Variants in SPECC1 observed in about 807,000 individuals in gnomAD.
SPECC1 encodes cytospin-B.
SPECC1 carries 62 observed loss-of-function variants against 104.1 expected under a neutral mutation model. The observed-to-expected ratio is 0.60, with a 90% CI of 0.49 to 0.74. The LOEUF is 0.74. SPECC1 is among the 30% of genes least tolerant of loss of function. The pLI, the probability that SPECC1 is intolerant of heterozygous loss-of-function variation, is 0.00. For synonymous variants in SPECC1, 513 were observed against 501.6 expected, an observed-to-expected ratio of 1.02 and a Z score of -0.30; for missense variants, 1,306 against 1,310.5, an observed-to-expected ratio of 1.00 and a Z score of 0.05.
At chr17:20,270,146 A>G (rs1391158000) in intron 12 of SPECC1, among the ~76,000 whole-genome samples, 1 of 152,086 alleles carries the variant, frequency 6.6e-6, no homozygotes, top group Non-Finnish European at 1.5e-5. Context: ...TAGTGGGTAC[A>G]GGGTTTTCTG....
intron 3 of SPECC1, among the ~76,000 whole-genome samples, chr17:20,152,944 C>T (rs886651535): frequency 2.0e-5 from 3 of 152,294 alleles, no homozygotes; most frequent in East Asian, 3.9e-4. Flanking sequence ...GGATTACAGG[C>T]GTGAGCCTCC....
intron 13 of SPECC1, 50 bp from the exon 14 acceptor site, chr17:20,305,972 AG>A (rs1265387751): frequency 6.6e-7 from 1 of 1,523,828 alleles, no homozygotes; most frequent in African/African-American, 1.4e-5. Context: ...TCCTGGCAAA[AG>A]CTATATATTT....
At chr17:20,260,677 C>T (rs1021474823) in intron 12 of SPECC1, among the ~76,000 whole-genome samples, 2 of 152,306 alleles carry the variant, frequency 1.3e-5, no homozygotes, top group Admixed American at 6.5e-5. Flanking sequence ...GGAGCTTATG[C>T]CCTTATCCCT....
rs142108104 is a variant in SPECC1, at chr17:20,219,621, G to A, written c.1864-7792G>A. On this transcript the variant is annotated intron_variant, in intron 4 of 14. Transcript: ENST00000395527. ...GTTTGCAAGTATTTTCTCCCATTCT[G>A]TGGGCTGTCTCTTCACTTTGTTGAT... 6.6e-3 allele frequency among the ~76,000 whole-genome samples: 1,002 copies of A among 152,186 alleles called. 10 individuals carry two copies. The highest frequency in any genetic ancestry group is 0.023 in the African/African-American group (952 of 41,520).
chr17:20,028,497 A>G (rs1234472097), intron 1 of SPECC1, among the ~76,000 whole-genome samples: 3 of 152,068 alleles, frequency 2.0e-5, no homozygotes, highest in Non-Finnish European at 4.4e-5. Context: ...AAAGAAAAAA[A>G]TAGAAAAGCA....
intron 1 of SPECC1, among the ~76,000 whole-genome samples, chr17:20,035,440 G>C (rs1228698373): frequency 3.6e-4 from 55 of 152,058 alleles, no homozygotes; most frequent in Non-Finnish European, 6.8e-4. Flanking sequence ...CGCTATTTAA[G>C]TCTTCTTTGA....
chr17:20,016,170 A>T, intron 1 of SPECC1, among the ~76,000 whole-genome samples: 1 of 146,236 alleles, frequency 6.8e-6, no homozygotes, highest in Admixed American at 6.8e-5. Context: ...GTGAGCCAGG[A>T]TGGCACCACT....
At chr17:20,282,316 C>T (rs2040799981) in intron 12 of SPECC1, among the ~76,000 whole-genome samples, 1 of 152,244 alleles carries the variant, frequency 6.6e-6, no homozygotes, top group Non-Finnish European at 1.5e-5. Context: ...CATAGGAAGG[C>T]TCTTGTCCAC....
chr17:20,114,420 G>A (rs2048651348), intron 3 of SPECC1, among the ~76,000 whole-genome samples: 1 of 151,930 alleles, frequency 6.6e-6, no homozygotes. Flanking sequence ...TTGATCTACT[G>A]ACCTTGTGAT....
intron 9 of SPECC1, among the ~76,000 whole-genome samples, chr17:20,253,257 A>G (rs1396298751): frequency 6.6e-6 from 1 of 152,184 alleles, no homozygotes; most frequent in Non-Finnish European, 1.5e-5. Flanking sequence ...GCCCTTGGAG[A>G]GAAGAACTGG....
intron 3 of SPECC1, among the ~76,000 whole-genome samples, chr17:20,165,742 C>G (rs2151153399): frequency 6.6e-6 from 1 of 152,358 alleles, no homozygotes; most frequent in African/African-American, 2.4e-5. Context: ...GTCATTCTGA[C>G]TGGCATGAGA....
intron 4 of SPECC1, among the ~76,000 whole-genome samples, chr17:20,220,979 T>C (rs1051339882): frequency 6.6e-5 from 10 of 152,228 alleles, no homozygotes; most frequent in African/African-American, 2.2e-4. Flanking sequence ...ACATTGCATA[T>C]GTCAAACCAC....
At chr17:20,238,816 C>G in intron 7 of SPECC1, 1 of 1,045,252 alleles carries the variant, frequency 9.6e-7, no homozygotes, top group Non-Finnish European at 1.2e-6. Flanking sequence ...ATATTTTGAC[C>G]TGTCGTTAGG....
chr17:20,075,378 A>C (rs2046719652), intron 1 of SPECC1, among the ~76,000 whole-genome samples: 1 of 152,176 alleles, frequency 6.6e-6, no homozygotes, highest in African/African-American at 2.4e-5. Context: ...CAGGTAGGTG[A>C]GTGGTGCAGC....
At chr17:20,054,569 C>A (rs2045889853) in intron 1 of SPECC1, among the ~76,000 whole-genome samples, 1 of 152,148 alleles carries the variant, frequency 6.6e-6, no homozygotes, top group Non-Finnish European at 1.5e-5. Context: ...GTCTGTTTTT[C>A]AGTTAGACCA....
intron 3 of SPECC1, among the ~76,000 whole-genome samples, chr17:20,187,122 A>G (rs755877990): frequency 6.6e-6 from 1 of 152,054 alleles, no homozygotes; most frequent in Non-Finnish European, 1.5e-5. Context: ...AAATACTCCA[A>G]TGAGTGTTTC....
intron 3 of SPECC1, among the ~76,000 whole-genome samples, chr17:20,175,929 A>G (rs1038769743): frequency 1.3e-5 from 2 of 152,264 alleles, no homozygotes; most frequent in African/African-American, 4.8e-5. Context: ...AAAGAGAACC[A>G]TACTGACCTA....
intron 3 of SPECC1, among the ~76,000 whole-genome samples, chr17:20,140,410 CTATTA>C (rs1428610504): frequency 6.6e-6 from 1 of 152,136 alleles, no homozygotes; most frequent in Non-Finnish European, 1.5e-5. Context: ...AAATATTCCT[CTATTA>C]TAATTGCTTC....
At chr17:20,259,986 T>A (rs779526941) in intron 11 of SPECC1, among the ~76,000 whole-genome samples, 1 of 152,242 alleles carries the variant, frequency 6.6e-6, no homozygotes, top group African/African-American at 2.4e-5. Flanking sequence ...TCCCCAAATT[T>A]ATGATAGTCA....
Sources: gnomAD v4.1 joint callset for allele counts (sites outside exome capture counted in the v4.1 genomes callset) on GRCh38, gnomAD v4.1.1 for gene constraint, MANE v1.5 for transcripts, NCBI Gene and HGNC (gene_info 2026-07-23, HGNC 2026-07-21) for gene names.